CEMIP: variants seen among roughly 807,000 people sequenced by gnomAD.
CEMIP encodes the protein cell migration-inducing and hyaluronan-binding protein.
CEMIP carries 105 observed loss-of-function variants against 156.9 expected under a neutral mutation model. That is an observed-to-expected ratio of 0.67 (90% confidence interval 0.57 to 0.79). The LOEUF is 0.79. Ranked by LOEUF, CEMIP falls within the 30% of genes least tolerant of loss-of-function variation. The pLI, the probability that CEMIP is intolerant of heterozygous loss-of-function variation, is 0.00. For synonymous variants in CEMIP, 676 were observed against 668.4 expected (o/e 1.01, Z -0.17); for missense variants, 1,457 against 1,769.4 (o/e 0.82, Z 3.17).
At chr15:80,928,679 G>A (rs956571182) in intron 19 of CEMIP, among the ~76,000 whole-genome samples, 3 of 152,140 alleles carry the variant, frequency 2.0e-5, no homozygotes, top group African/African-American at 2.4e-5. Context: ...AGGGGTCACT[G>A]CTTTCTCTCT....
chr15:80,839,692 C>T lies in CEMIP; in HGVS notation c.-175-33846C>T, dbSNP rs551861600. 1.5e-4 allele frequency among the ~76,000 whole-genome samples: 23 copies of T among 152,340 alleles called. 1 individual carries two copies. In the South Asian group the frequency reaches 4.3e-3, roughly 29 times the overall value. ...GAGGGACATTAGAAAGTTCCATCCTCTTCATCTGCCCACCTCCCTTGGACT... is the reference window on the plus strand; with the variant it reads ...GAGGGACATTAGAAAGTTCCATCCTTTTCATCTGCCCACCTCCCTTGGACT... On this transcript the variant is annotated intron_variant, in intron 1 of 29. Coordinates refer to ENST00000394685, the MANE Select transcript of CEMIP (RefSeq NM_001293298.2).
intron 1 of CEMIP, among the ~76,000 whole-genome samples, chr15:80,786,202 T>A (rs1298047452): frequency 6.6e-6 from 1 of 152,110 alleles, no homozygotes; most frequent in Non-Finnish European, 1.5e-5. Context: ...ATCAATAGTG[T>A]TAGCTTAGTT....
At chr15:80,824,641 G>T (rs1377772286) in intron 1 of CEMIP, among the ~76,000 whole-genome samples, 1 of 152,184 alleles carries the variant, frequency 6.6e-6, no homozygotes, top group East Asian at 1.9e-4. Flanking sequence ...CAGGAGGTGT[G>T]CACATTATTC....
chr15:80,907,305 G>A (rs553719174), intron 13 of CEMIP, among the ~76,000 whole-genome samples: 1 of 152,256 alleles, frequency 6.6e-6, no homozygotes, highest in South Asian at 2.1e-4. Context: ...GCTCCCGCCT[G>A]TAATCCCAAC....
At chr15:80,891,570 A>T (rs1195800702) in intron 10 of CEMIP, among the ~76,000 whole-genome samples, 2 of 152,242 alleles carry the variant, frequency 1.3e-5, no homozygotes, top group Admixed American at 1.3e-4. Context: ...AAGCTTAGGG[A>T]AGTCTTCCCA....
chr15:80,928,061 G>A (rs896162437), intron 19 of CEMIP, among the ~76,000 whole-genome samples: 6 of 152,254 alleles, frequency 3.9e-5, no homozygotes, highest in African/African-American at 9.6e-5. Context: ...ATAAAGCCAC[G>A]GAAGTTTTAG....
intron 28 of CEMIP, 100 bp from the exon 29 acceptor site, chr15:80,946,865 C>T (rs1596215068): frequency 2.5e-6 from 2 of 788,784 alleles, no homozygotes; most frequent in Non-Finnish European, 4.4e-6. Flanking sequence ...CTGGGCACTG[C>T]TAACTCCAGT....
At position 80,894,994 on chromosome 15, in the gene CEMIP, C is replaced by T; in HGVS notation, c.1091C>T (p.Thr364Ile). 1 of 1,614,124 alleles carries T rather than the reference C, an allele frequency of 6.2e-7. No homozygotes were observed. Reference protein sequence around the residue: ...ICNRPIDIQATTMDGVNLSTE... With the variant: ...ICNRPIDIQAITMDGVNLSTE... ...TAATTTCTGTGTCATTCCCAGGCCA[C>T]TACAATGGATGGAGTTAACCTCAGC... is the stretch of plus-strand genomic sequence containing the variant. Residue 364 changes from threonine (T) to isoleucine (I), a missense_variant, in exon 11 of 30, where the codon ACT becomes ATT. Physicochemically the swap from Thr to Ile is moderately conservative, Grantham distance 89. This residue lies in a region of CEMIP where 280 missense variants were observed against 300.3 expected (regional missense o/e 0.93). Transcript: ENST00000394685.
At chr15:80,826,631 C>T (rs193010125) in intron 1 of CEMIP, among the ~76,000 whole-genome samples, 35 of 152,284 alleles carry the variant, frequency 2.3e-4, no homozygotes, top group East Asian at 5.8e-4. Flanking sequence ...CTCCACCTTT[C>T]GCTGTTATAA....
chr15:80,912,011 T>TGCTGGGAGAG (rs1358468689), intron 14 of CEMIP, among the ~76,000 whole-genome samples: 1 of 143,458 alleles, frequency 7.0e-6, no homozygotes, highest in Admixed American at 6.9e-5. Flanking sequence ...AGGCTGTGAT[T>TGCTGGGAGAG]GCTGGGAGAG....
chr15:80,847,790 G>A (rs746756201), intron 1 of CEMIP, among the ~76,000 whole-genome samples: 2 of 152,226 alleles, frequency 1.3e-5, no homozygotes, highest in East Asian at 1.9e-4. Context: ...GCAGAAGGGC[G>A]CTGTGGGTGG....
At chr15:80,848,279 C>G (rs1897612750) in intron 1 of CEMIP, among the ~76,000 whole-genome samples, 1 of 152,256 alleles carries the variant, frequency 6.6e-6, no homozygotes, top group South Asian at 2.1e-4. Context: ...AGCCTTTTTC[C>G]TATAGGGAAG....
chr15:80,885,824 T>C (rs529415237), intron 7 of CEMIP, among the ~76,000 whole-genome samples: 52 of 152,390 alleles, frequency 3.4e-4, no homozygotes, highest in African/African-American at 1.2e-3. Flanking sequence ...AGCAACTATT[T>C]TCTCCTTATA....
At chr15:80,864,593 C>T (rs1300518553) in intron 1 of CEMIP, among the ~76,000 whole-genome samples, 1 of 152,224 alleles carries the variant, frequency 6.6e-6, no homozygotes, top group Non-Finnish European at 1.5e-5. Flanking sequence ...AGCTATTATT[C>T]CCCCATTTTA....
At chr15:80,835,444 T>C (rs1419213548) in intron 1 of CEMIP, among the ~76,000 whole-genome samples, 7 of 152,234 alleles carry the variant, frequency 4.6e-5, no homozygotes, top group Admixed American at 4.6e-4. Flanking sequence ...TCTGCCCACC[T>C]GGGATATTTG....
intron 1 of CEMIP, among the ~76,000 whole-genome samples, chr15:80,796,397 A>C (rs986135808): frequency 1.3e-5 from 2 of 152,238 alleles, no homozygotes; most frequent in African/African-American, 4.8e-5. Context: ...GTGTGCTCTC[A>C]GTGGGTCCAT....
At chr15:80,900,430 G>A (rs556356284) in intron 12 of CEMIP, among the ~76,000 whole-genome samples, 1 of 152,248 alleles carries the variant, frequency 6.6e-6, no homozygotes, top group Non-Finnish European at 1.5e-5. Context: ...AGCACTGCCT[G>A]TGCTTGTTTC....
chr15:80,902,939 T>C (rs940176479), intron 12 of CEMIP, among the ~76,000 whole-genome samples: 2 of 152,192 alleles, frequency 1.3e-5, no homozygotes, highest in African/African-American at 2.4e-5. Flanking sequence ...CAGCCAACTT[T>C]TGAGGTATGT....
At chr15:80,816,977 A>G (rs1007986130) in intron 1 of CEMIP, among the ~76,000 whole-genome samples, 1 of 152,162 alleles carries the variant, frequency 6.6e-6, no homozygotes, top group Non-Finnish European at 1.5e-5. Context: ...TAAGTCTATT[A>G]TTATATTTTT....
Sources: allele counts gnomAD v4.1 joint callset (sites outside exome capture counted in the v4.1 genomes callset), GRCh38; gene constraint gnomAD v4.1.1; regional missense constraint gnomAD v4.1.1; transcripts MANE v1.5; gene names NCBI Gene and HGNC (gene_info 2026-07-23, HGNC 2026-07-21).